The following SPPL2A variants were observed in gnomAD, a reference collection of about 807,000 sequenced individuals.
SPPL2A encodes signal peptide peptidase-like 2A.
Under a neutral mutation model 63.8 loss-of-function variants are expected in SPPL2A, and 51 were observed. That is an observed-to-expected ratio of 0.80 (90% CI 0.64 to 1.01). The LOEUF is 1.01. SPPL2A is among the 50% of genes least tolerant of loss of function. SPPL2A has a pLI of 0.00. For synonymous variants in SPPL2A, 188 were observed against 205.8 expected (o/e 0.91, Z 0.74); for missense variants, 553 against 622.7 (o/e 0.89, Z 1.19).
intron 8 of SPPL2A, among the ~76,000 whole-genome samples, chr15:50,735,030 G>A (rs1366096564): frequency 6.6e-6 from 1 of 151,998 alleles, no homozygotes; most frequent in Admixed American, 6.6e-5. Context: ...TCAGCCTCCT[G>A]AGTAGCTGGG....
intron 10 of SPPL2A, among the ~76,000 whole-genome samples, chr15:50,728,324 A>C (rs1320702312): frequency 1.3e-5 from 2 of 152,166 alleles, no homozygotes; most frequent in Non-Finnish European, 2.9e-5. Flanking sequence ...CTAATAAATT[A>C]ACAATTTTAT....
At chr15:50,717,290 T>G (rs1169642215) in intron 14 of SPPL2A, among the ~76,000 whole-genome samples, 1 of 152,136 alleles carries the variant, frequency 6.6e-6, no homozygotes, top group East Asian at 1.9e-4. Context: ...TCCTCCCACC[T>G]CAGGCTCCCG....
Position 50,702,611 on chromosome 15 carries a change from C to T in SPPL2A, c.*5189G>A, listed in dbSNP as rs1221215106. 1 of 152,084 alleles carries T rather than the reference C, an allele frequency of 6.6e-6. No individual in the cohort carries two copies. Among genetic ancestry groups the T allele is most frequent in the African/African-American group, 2.4e-5 (1 of 41,422 alleles). The allele number at this position is 152,084 out of a possible 1,614,324, so 9.4% of individuals were successfully genotyped here. ...ACCTAATTTACATTGACTTGTCCTA[C>T]TAGAAAATGTTGCAGGTTAACTTTA... On this transcript the variant is annotated 3_prime_UTR_variant, in exon 15 of 15. Transcript: ENST00000261854.
At chr15:50,734,470 A>C (rs1381968343) in intron 8 of SPPL2A, among the ~76,000 whole-genome samples, 1 of 152,136 alleles carries the variant, frequency 6.6e-6, no homozygotes, top group African/African-American at 2.4e-5. Flanking sequence ...AGAAAATAAA[A>C]ATAAAAAATG....
At chr15:50,752,353 G>A (rs976676945) in intron 1 of SPPL2A, among the ~76,000 whole-genome samples, 10 of 151,772 alleles carry the variant, frequency 6.6e-5, no homozygotes, top group African/African-American at 9.7e-5. Context: ...AGGCTGAGGC[G>A]GGTGGATCTC....
intron 12 of SPPL2A, among the ~76,000 whole-genome samples, chr15:50,722,606 G>A (rs2062657407): frequency 6.6e-6 from 1 of 152,036 alleles, no homozygotes; most frequent in African/African-American, 2.4e-5. Flanking sequence ...ACAGGCGCGT[G>A]CCACCACACT....
At position 50,706,583 on chromosome 15, in the gene SPPL2A, G is replaced by GCTC. The variant is rs1274151506; in HGVS notation, c.*1216_*1217insGAG. ...TAAGAATCATTACCTATGGGAAAAGGGGTGGGCATCAGGAAGAAAAAAAGA... is the reference window on the plus strand; with the variant it reads ...TAAGAATCATTACCTATGGGAAAAGGCTCGGTGGGCATCAGGAAGAAAAAAAGA... On this transcript the variant is annotated 3_prime_UTR_variant, in exon 15 of 15. Coordinates refer to ENST00000261854, the MANE Select transcript of SPPL2A (RefSeq NM_032802.4). 6.6e-6 allele frequency: 1 copy of GCTC among 151,846 alleles called. No homozygotes were observed. The highest frequency in any genetic ancestry group is 1.5e-5 in the Non-Finnish European group (1 of 67,974). 9.4% of individuals were successfully genotyped at this position (151,846 alleles called of 1,614,324 possible).
At chr15:50,716,536 T>C (rs1337699725) in intron 14 of SPPL2A, among the ~76,000 whole-genome samples, 2 of 152,168 alleles carry the variant, frequency 1.3e-5, no homozygotes, top group Non-Finnish European at 2.9e-5. Context: ...TTAAAAGCTG[T>C]ATGAAAGGGA....
intron 6 of SPPL2A, among the ~76,000 whole-genome samples, chr15:50,738,942 T>G (rs1361767344): frequency 6.6e-6 from 1 of 152,134 alleles, no homozygotes; most frequent in Non-Finnish European, 1.5e-5. Context: ...ACATCTTGAT[T>G]TGCAAATTGA....
At chr15:50,751,157 G>T (rs773596144) in intron 1 of SPPL2A, among the ~76,000 whole-genome samples, 1 of 152,162 alleles carries the variant, frequency 6.6e-6, no homozygotes, top group Non-Finnish European at 1.5e-5. Flanking sequence ...CATAGAATTA[G>T]ATAAGGAAAT....
chr15:50,711,905 A>G (rs1458264998), intron 14 of SPPL2A, among the ~76,000 whole-genome samples: 2 of 152,246 alleles, frequency 1.3e-5, no homozygotes, highest in Non-Finnish European at 2.9e-5. Context: ...AAGATTGCAC[A>G]TAAAGACTGT....
intron 14 of SPPL2A, among the ~76,000 whole-genome samples, chr15:50,713,358 A>T (rs561772711): frequency 6.7e-6 from 1 of 150,240 alleles, no homozygotes; most frequent in African/African-American, 2.5e-5. Context: ...TCCGCCTCCC[A>T]GGTTCAAGCA....
intron 6 of SPPL2A, among the ~76,000 whole-genome samples, chr15:50,738,983 G>C (rs973323376): frequency 7.9e-5 from 12 of 151,956 alleles, no homozygotes; most frequent in Non-Finnish European, 1.0e-4. Context: ...GGAGTAAGTA[G>C]AGGCAATACA....
chr15:50,721,321 A>AT (rs1406754317), intron 13 of SPPL2A, among the ~76,000 whole-genome samples: 1 of 152,168 alleles, frequency 6.6e-6, no homozygotes, highest in African/African-American at 2.4e-5. Context: ...GGCATGAGCC[A>AT]CCACGTCTGG....
chr15:50,717,948 C>T (rs2062609948), intron 14 of SPPL2A, among the ~76,000 whole-genome samples: 1 of 140,036 alleles, frequency 7.1e-6, no homozygotes, highest in Non-Finnish European at 1.6e-5. Flanking sequence ...ATGTCTATTC[C>T]TCACTAGACT....
At chr15:50,724,590 A>T (rs202238843) in intron 12 of SPPL2A, among the ~76,000 whole-genome samples, 2 of 149,352 alleles carry the variant, frequency 1.3e-5, no homozygotes, top group Non-Finnish European at 3.0e-5. Context: ...AAAAAAAAAA[A>T]GAAAAATGAA....
At chr15:50,763,135 T>G (rs2063026885) in intron 1 of SPPL2A, among the ~76,000 whole-genome samples, 1 of 151,942 alleles carries the variant, frequency 6.6e-6, no homozygotes, top group South Asian at 2.1e-4. Context: ...TACCTAGAGC[T>G]GTAAAATTAG....
At chr15:50,711,359 G>A (rs939655146) in intron 14 of SPPL2A, among the ~76,000 whole-genome samples, 3 of 151,774 alleles carry the variant, frequency 2.0e-5, no homozygotes, top group South Asian at 2.1e-4. Context: ...ACAGGCACAC[G>A]CCACCACGCC....
intron 14 of SPPL2A, among the ~76,000 whole-genome samples, chr15:50,712,965 T>C (rs961540619): frequency 9.2e-5 from 14 of 152,068 alleles, no homozygotes; most frequent in Admixed American, 6.6e-5. Flanking sequence ...ATTACAGGCA[T>C]GAGCCATCAT....
Sources: allele counts gnomAD v4.1 joint callset (sites outside exome capture counted in the v4.1 genomes callset), GRCh38; gene constraint gnomAD v4.1.1; transcripts MANE v1.5; gene names NCBI Gene and HGNC (gene_info 2026-07-23, HGNC 2026-07-21).